The following RSU1 variants were observed in gnomAD, a reference collection of about 807,000 sequenced individuals.
RSU1 encodes rsu-1.
Under a neutral mutation model 31.1 loss-of-function variants are expected in RSU1, and 26 were observed. That is an observed-to-expected ratio of 0.84 (90% CI 0.61 to 1.16). RSU1 has a LOEUF of 1.16. RSU1 is among the 50% of genes most tolerant of loss of function. The pLI, the probability that RSU1 is intolerant of heterozygous loss-of-function variation, is 0.00. For missense variants in RSU1, 320 were observed against 339.1 expected (o/e 0.94, Z 0.44); for synonymous variants, 164 against 136.3 (o/e 1.20, Z -1.41).
intron 7 of RSU1, among the ~76,000 whole-genome samples, chr10:16,699,397 ATT>A (rs1278403313): frequency 2.0e-5 from 3 of 152,190 alleles, no homozygotes; most frequent in Non-Finnish European, 4.4e-5. Flanking sequence ...TGGCCATTAT[ATT>A]GTGTGAAAAG....
At chr10:16,675,040 A>T (rs894603452) in intron 8 of RSU1, among the ~76,000 whole-genome samples, 3 of 151,794 alleles carry the variant, frequency 2.0e-5, no homozygotes, top group Non-Finnish European at 4.4e-5. Context: ...ATCAAAAATA[A>T]ATAAATAAAA....
intron 2 of RSU1, among the ~76,000 whole-genome samples, chr10:16,789,441 G>T (rs548382588): frequency 2.0e-5 from 3 of 152,180 alleles, no homozygotes; most frequent in Admixed American, 6.5e-5. Flanking sequence ...GAAGCTGAAA[G>T]AATCAACAGA....
chr10:16,807,474 T>C (rs536544904), intron 2 of RSU1, among the ~76,000 whole-genome samples: 3 of 152,272 alleles, frequency 2.0e-5, no homozygotes, highest in African/African-American at 4.8e-5. Flanking sequence ...ATGTTCTAAG[T>C]TTGAAGACAA....
At chr10:16,808,654 T>C (rs1266124557) in intron 2 of RSU1, among the ~76,000 whole-genome samples, 1 of 151,894 alleles carries the variant, frequency 6.6e-6, no homozygotes, top group Non-Finnish European at 1.5e-5. Context: ...TACCACAGAG[T>C]AGGCACTCAG....
chr10:16,674,989 T>C (rs1323277984), intron 8 of RSU1, among the ~76,000 whole-genome samples: 1 of 151,744 alleles, frequency 6.6e-6, no homozygotes, highest in Non-Finnish European at 1.5e-5. Context: ...GCCAAGACTG[T>C]GCCACTACAC....
chr10:16,674,044 C>T (rs1160732833), intron 8 of RSU1, among the ~76,000 whole-genome samples: 4 of 152,170 alleles, frequency 2.6e-5, no homozygotes, highest in East Asian at 1.9e-4. Context: ...CTAGGTCCTA[C>T]ACACAGAGGT....
chr10:16,653,655 A>C (rs1834724214), intron 8 of RSU1, among the ~76,000 whole-genome samples: 1 of 152,182 alleles, frequency 6.6e-6, no homozygotes, highest in Non-Finnish European at 1.5e-5. Context: ...TCTGGCTACA[A>C]ACACTGAGTA....
At chr10:16,810,230 C>CAAAAAATA (rs542633658) in intron 2 of RSU1, among the ~76,000 whole-genome samples, 1 of 151,196 alleles carries the variant, frequency 6.6e-6, no homozygotes, top group African/African-American at 2.4e-5. Flanking sequence ...GACTGTGTCT[C>CAAAAAATA]AAAAAATAAA....
chr10:16,639,872 C>T (rs1352899625), intron 8 of RSU1, among the ~76,000 whole-genome samples: 1 of 152,186 alleles, frequency 6.6e-6, no homozygotes, highest in African/African-American at 2.4e-5. Context: ...AGAAACAACC[C>T]AGCCAGCTCA....
intron 7 of RSU1, among the ~76,000 whole-genome samples, chr10:16,701,428 C>A (rs1345515515): frequency 6.6e-6 from 1 of 152,180 alleles, no homozygotes; most frequent in Non-Finnish European, 1.5e-5. Flanking sequence ...TGACAGCTCT[C>A]AAATTTATTC....
intron 7 of RSU1, among the ~76,000 whole-genome samples, chr10:16,741,246 C>G (rs182851726): frequency 1.2e-3 from 176 of 152,274 alleles, no homozygotes; most frequent in African/African-American, 4.1e-3. Context: ...GCTGGAACAA[C>G]AGGACAGCCA....
At chr10:16,602,241 A>C (rs917211922) in intron 8 of RSU1, among the ~76,000 whole-genome samples, 15 of 152,212 alleles carry the variant, frequency 9.9e-5, no homozygotes, top group Non-Finnish European at 2.1e-4. Flanking sequence ...CCTTGATGAT[A>C]CATAAAGTGA....
chr10:16,660,933 C>A (rs1030053587), intron 8 of RSU1, among the ~76,000 whole-genome samples: 2 of 152,066 alleles, frequency 1.3e-5, no homozygotes, highest in Non-Finnish European at 2.9e-5. Context: ...CAGGTGTGAG[C>A]CACTGTTCCT....
chr10:16,690,880 C>T (rs1835535512), intron 8 of RSU1, among the ~76,000 whole-genome samples: 1 of 152,058 alleles, frequency 6.6e-6, no homozygotes, highest in African/African-American at 2.4e-5. Flanking sequence ...AGTGCCAAAA[C>T]CAAAAGTATG....
At chr10:16,797,810 ATACGTAATACTT>A (rs896503214) in intron 2 of RSU1, among the ~76,000 whole-genome samples, 11 of 151,872 alleles carry the variant, frequency 7.2e-5, no homozygotes, top group Non-Finnish European at 1.3e-4. Context: ...AATAAACACA[ATACGTAATACTT>A]TACAAGAAAC....
chr10:16,754,725 C>G, intron 5 of RSU1, 146 bp downstream of exon 5: 1 of 613,948 alleles, frequency 1.6e-6, no homozygotes, highest in South Asian at 2.0e-5. Flanking sequence ...TGCTGAGCTA[C>G]GAAGGAATAT....
intron 4 of RSU1, among the ~76,000 whole-genome samples, chr10:16,763,734 G>T (rs1257157557): frequency 1.3e-5 from 2 of 152,166 alleles, no homozygotes; most frequent in Non-Finnish European, 2.9e-5. Flanking sequence ...AAAAGGCTTG[G>T]CTTCCTCTGT....
chr10:16,689,939 T>C (rs947762669), intron 8 of RSU1, among the ~76,000 whole-genome samples: 2 of 152,244 alleles, frequency 1.3e-5, no homozygotes, highest in African/African-American at 4.8e-5. Context: ...GTTTGCCAAA[T>C]ACCTCTTTCA....
intron 8 of RSU1, among the ~76,000 whole-genome samples, chr10:16,669,671 A>T (rs1835071524): frequency 6.6e-6 from 1 of 152,102 alleles, no homozygotes; most frequent in Non-Finnish European, 1.5e-5. Flanking sequence ...AAATGAGAAC[A>T]TGTGGTGTTT....
Sources: gnomAD v4.1 joint callset for allele counts (sites outside exome capture counted in the v4.1 genomes callset) on GRCh38, gnomAD v4.1.1 for gene constraint, MANE v1.5 for transcripts, NCBI Gene and HGNC (gene_info 2026-07-23, HGNC 2026-07-21) for gene names.